ST6GALNAC3: variants seen among roughly 807,000 people sequenced by gnomAD.
The protein encoded by ST6GALNAC3 is alpha-N-acetylgalactosaminide alpha-2,6-sialyltransferase 3.
In ST6GALNAC3, 25 loss-of-function variants were observed where a neutral mutation model predicts 32.7. The ratio of observed to expected loss-of-function variants is 0.76; its 90% CI spans 0.56 to 1.07. ST6GALNAC3 has a LOEUF of 1.07. Among genes scored for constraint, ST6GALNAC3 ranks in the 50% least tolerant of loss-of-function variants. ST6GALNAC3 has a pLI of 0.00. For synonymous variants in ST6GALNAC3, 129 were observed against 133.1 expected (o/e 0.97, Z 0.21); for missense variants, 355 against 382.4 (o/e 0.93, Z 0.60).
chr1:76,447,736 G>T (rs993716215), intron 3 of ST6GALNAC3, among the ~76,000 whole-genome samples: 1 of 152,140 alleles, frequency 6.6e-6, no homozygotes, highest in Non-Finnish European at 1.5e-5. Context: ...AGTGGAAGCC[G>T]CAAGCCTTGG....
intron 1 of ST6GALNAC3, among the ~76,000 whole-genome samples, chr1:76,211,322 T>C (rs1168096181): frequency 1.3e-5 from 2 of 152,162 alleles, no homozygotes; most frequent in African/African-American, 4.8e-5. Flanking sequence ...ATAGGAATAC[T>C]TTTACACTGT....
rs1165109829 is a variant in ST6GALNAC3 at position 76,628,864 on chromosome 1, A to G, written c.*58A>G. The G allele has an allele frequency of 1.3e-6, 2 of 1,587,972 alleles. No individual in the cohort carries two copies. The highest frequency in any genetic ancestry group is 1.7e-6 in the Non-Finnish European group (2 of 1,172,308). ...ATGTGATCCCCATACTGCAACTGTG[A>G]TGCTGATGATGCTAATGGAGATGAT... On this transcript the variant is annotated 3_prime_UTR_variant, in exon 5 of 5. Transcript: ENST00000328299.
chr1:76,602,492 C>T (rs1303621611), intron 3 of ST6GALNAC3, among the ~76,000 whole-genome samples: 3 of 151,822 alleles, frequency 2.0e-5, no homozygotes, highest in Admixed American at 6.6e-5. Context: ...ACTCCCAAAC[C>T]GTTTTGTTTG....
At chr1:76,360,583 T>C (rs1301967703) in intron 2 of ST6GALNAC3, among the ~76,000 whole-genome samples, 1 of 152,222 alleles carries the variant, frequency 6.6e-6, no homozygotes, top group Non-Finnish European at 1.5e-5. Flanking sequence ...TCTTGCTTAG[T>C]AATAAAAATA....
At chr1:76,554,023 A>G (rs1664779876) in intron 3 of ST6GALNAC3, among the ~76,000 whole-genome samples, 2 of 152,186 alleles carry the variant, frequency 1.3e-5, no homozygotes, top group African/African-American at 4.8e-5. Context: ...TAAAACATTT[A>G]ATGGTTCTTC....
intron 2 of ST6GALNAC3, among the ~76,000 whole-genome samples, chr1:76,386,784 TG>T (rs1446600182): frequency 6.6e-6 from 1 of 152,186 alleles, no homozygotes. Context: ...TCTTCACCTC[TG>T]TGTAGAAGAT....
intron 3 of ST6GALNAC3, among the ~76,000 whole-genome samples, chr1:76,441,459 C>T (rs1467047171): frequency 6.6e-6 from 1 of 151,970 alleles, no homozygotes; most frequent in African/African-American, 2.4e-5. Context: ...GAACTCCAAC[C>T]CAGATCTGAT....
chr1:76,561,153 G>A (rs1186500000), intron 3 of ST6GALNAC3, among the ~76,000 whole-genome samples: 4 of 152,108 alleles, frequency 2.6e-5, no homozygotes, highest in Non-Finnish European at 5.9e-5. Flanking sequence ...GAAACCAAAG[G>A]AATAGAATTC....
intron 3 of ST6GALNAC3, among the ~76,000 whole-genome samples, chr1:76,602,993 C>G (rs536718549): frequency 6.6e-6 from 1 of 152,248 alleles, no homozygotes; most frequent in East Asian, 1.9e-4. Flanking sequence ...TTATCAACCT[C>G]ATTAGTAATC....
intron 2 of ST6GALNAC3, among the ~76,000 whole-genome samples, chr1:76,370,511 G>A (rs1226318464): frequency 6.6e-6 from 1 of 152,024 alleles, no homozygotes; most frequent in African/African-American, 2.4e-5. Flanking sequence ...TAAAGAAATG[G>A]TTTCTTCATA....
chr1:76,339,989 A>G (rs755986403), intron 2 of ST6GALNAC3, among the ~76,000 whole-genome samples: 3 of 152,214 alleles, frequency 2.0e-5, no homozygotes, highest in Non-Finnish European at 2.9e-5. Context: ...AGGAAATGGC[A>G]AGAATACATT....
At chr1:76,627,382 C>T (rs527297756) in intron 3 of ST6GALNAC3, 70 bp from the exon 4 acceptor site, 4 of 982,038 alleles carry the variant, frequency 4.1e-6, no homozygotes, top group East Asian at 4.9e-5. Context: ...GTTTCTCACA[C>T]ACCTTATTGT....
chr1:76,551,001 C>T (rs1313355432), intron 3 of ST6GALNAC3, among the ~76,000 whole-genome samples: 1 of 152,130 alleles, frequency 6.6e-6, no homozygotes, highest in Non-Finnish European at 1.5e-5. Context: ...CTCAGGTGAT[C>T]TGCACCCCCG....
intron 1 of ST6GALNAC3, among the ~76,000 whole-genome samples, chr1:76,196,299 G>A (rs1174039907): frequency 6.6e-6 from 1 of 152,090 alleles, no homozygotes; most frequent in Non-Finnish European, 1.5e-5. Context: ...TAAGGAAGTC[G>A]GAGATGGGGC....
intron 3 of ST6GALNAC3, among the ~76,000 whole-genome samples, chr1:76,442,638 A>G (rs933312692): frequency 2.6e-5 from 4 of 152,226 alleles, no homozygotes; most frequent in African/African-American, 9.7e-5. Context: ...TCCCGGCAAC[A>G]GATGTGTTAT....
At chr1:76,539,485 G>A (rs999594353) in intron 3 of ST6GALNAC3, among the ~76,000 whole-genome samples, 9 of 152,154 alleles carry the variant, frequency 5.9e-5, no homozygotes, top group African/African-American at 2.2e-4. Context: ...AATGCCAAAA[G>A]CAATGGTAAC....
At chr1:76,155,678 C>T (rs946966033) in intron 1 of ST6GALNAC3, among the ~76,000 whole-genome samples, 2 of 151,666 alleles carry the variant, frequency 1.3e-5, no homozygotes, top group South Asian at 2.1e-4. Context: ...AGGGTTTCAC[C>T]GTGTTAGCTA....
At chr1:76,526,194 C>G (rs1376237786) in intron 3 of ST6GALNAC3, among the ~76,000 whole-genome samples, 1 of 151,890 alleles carries the variant, frequency 6.6e-6, no homozygotes, top group East Asian at 1.9e-4. Flanking sequence ...GACACTTATC[C>G]TGACTATATA....
chr1:76,514,569 T>C (rs558654372), intron 3 of ST6GALNAC3, among the ~76,000 whole-genome samples: 12 of 152,198 alleles, frequency 7.9e-5, no homozygotes, highest in African/African-American at 2.9e-4. Flanking sequence ...TAAGTTCCAG[T>C]GAGAGTGGGT....
Sources: allele counts gnomAD v4.1 joint callset (sites outside exome capture counted in the v4.1 genomes callset), GRCh38; gene constraint gnomAD v4.1.1; transcripts MANE v1.5; gene names NCBI Gene and HGNC (gene_info 2026-07-23, HGNC 2026-07-21).